Variants in SLC35A2 observed in about 807,000 individuals in gnomAD.
The protein encoded by SLC35A2 is UDP-galactose translocator.
A neutral mutation model predicts 17.3 loss-of-function variants in SLC35A2; 1 was observed. That is an observed-to-expected ratio of 0.06 (90% CI 0.02 to 0.27). SLC35A2 has a LOEUF of 0.27. Ranked by LOEUF, SLC35A2 falls within the 10% of genes least tolerant of loss-of-function variation. The pLI is 1.00. For missense variants in SLC35A2, 191 were observed against 339.3 expected (o/e 0.56, Z 3.43); for synonymous variants, 161 against 161.3 (o/e 1.00, Z 0.01).
chrX:48,910,763 C>T (rs1021584170), intron 1 of SLC35A2, among the ~76,000 whole-genome samples: 6 of 110,705 alleles, frequency 5.4e-5, no homozygotes, highest in Admixed American at 3.8e-4. Context: ...GAAATGATTC[C>T]CACATGCTCC....
At chrX:48,908,789 T>G (rs1419847353) in intron 2 of SLC35A2, among the ~76,000 whole-genome samples, 5 of 112,156 alleles carry the variant, frequency 4.5e-5, no homozygotes, top group Non-Finnish European at 7.5e-5. Context: ...AACCTGGAGT[T>G]AACAGGTGGG....
chrX:48,910,899 C>T (rs12849756), intron 1 of SLC35A2, among the ~76,000 whole-genome samples: 1 of 110,451 alleles, frequency 9.1e-6, no homozygotes, highest in African/African-American at 3.3e-5. Flanking sequence ...CACGGACCCT[C>T]TAGCTAATGA....
intron 4 of SLC35A2, chrX:48,904,163 CAAG>C: frequency 1.3e-6 from 1 of 781,926 alleles, no homozygotes; most frequent in Non-Finnish European, 1.5e-6. Context: ...TGGGGACTCA[CAAG>C]AAGCCCATCT....
In SLC35A2 at chrX:48,906,215, T is replaced by TTAC. The variant is rs781893728; in HGVS notation, c.426+174_426+176dup. 1.0e-3 allele frequency: 498 copies of TTAC among 482,879 alleles called. 5 individuals carry two copies. The East Asian group carries it at 0.017, about 17-fold the overall frequency. The allele number at this position is 482,879 out of a possible 1,213,427, so 39.8% of individuals were successfully genotyped here. ...ATCCTAGCATCTCAGTGAACAGGCA[T>TTAC]TACTATTTCCACCCCCAATTTTCAC... On this transcript the variant is annotated intron_variant, in intron 3 of 4. Coordinates refer to ENST00000247138, the MANE Select transcript of SLC35A2 (RefSeq NM_005660.3).
At chrX:48,911,732 G>C (rs1662486726), upstream of SLC35A2, 3 of 1,155,785 alleles carry the variant, frequency 2.6e-6, no homozygotes, top group African/African-American at 1.8e-5. Context: ...GGTGGAGCGA[G>C]AGCCGGGATC....
At chrX:48,910,480 T>C (rs782546183) in intron 1 of SLC35A2, among the ~76,000 whole-genome samples, 1 of 112,005 alleles carries the variant, frequency 8.9e-6, no homozygotes, top group East Asian at 2.8e-4. Flanking sequence ...ATTAGCAAAC[T>C]GAGAATTTAT....
intron 1 of SLC35A2, chrX:48,910,232 A>G: frequency 8.8e-7 from 1 of 1,138,350 alleles, no homozygotes; most frequent in Non-Finnish European, 1.2e-6. Flanking sequence ...CCCAGTCCAT[A>G]CCTGGAATCC....
intron 1 of SLC35A2, among the ~76,000 whole-genome samples, chrX:48,910,912 T>G (rs1485683384): frequency 2.7e-5 from 3 of 109,561 alleles, no homozygotes; most frequent in Non-Finnish European, 5.7e-5. Context: ...GCTAATGAAT[T>G]TTTCCTTGCT....
intron 3 of SLC35A2, chrX:48,905,834 G>T: frequency 3.5e-6 from 1 of 285,416 alleles, no homozygotes; most frequent in Non-Finnish European, 6.2e-6. Context: ...TGAGGGACTT[G>T]ATACAAATGA....
At chrX:48,910,421 C>G (rs1265352793) in intron 1 of SLC35A2, 1 of 499,451 alleles carries the variant, frequency 2.0e-6, no homozygotes, top group Non-Finnish European at 3.1e-6. Context: ...CCTCAATAGA[C>G]TCATATCACT....
chrX:48,910,102 C>A, intron 1 of SLC35A2, 106 bp from the exon 2 acceptor site: 1 of 897,502 alleles, frequency 1.1e-6, no homozygotes, highest in South Asian at 2.2e-5. Context: ...ACCCTCCTAG[C>A]CATGGCTACT....
At chrX:48,910,166 T>A in intron 1 of SLC35A2, 170 bp from the exon 2 acceptor site, 1 of 934,137 alleles carries the variant, frequency 1.1e-6, no homozygotes, top group Admixed American at 2.6e-5. Context: ...CCTACCGGCT[T>A]ACTGCCTCAG....
chrX:48,911,655 C>A, upstream of SLC35A2: 1 of 1,156,687 alleles, frequency 8.6e-7, no homozygotes, highest in Non-Finnish European at 1.2e-6. Context: ...CTGCCCGGCC[C>A]GTCCCCTCGG....
intron 4 of SLC35A2, 181 bp from the exon 5 acceptor site, chrX:48,903,646 T>A: frequency 2.8e-6 from 2 of 711,684 alleles, no homozygotes; most frequent in South Asian, 5.9e-5. Context: ...TGGCATTGGA[T>A]ATCCTGACAT....
At position 48,904,658 on chromosome X, in the gene SLC35A2, G is replaced by A. The variant is rs781913086; in HGVS notation, c.1163+88C>T. The A allele has an allele frequency of 9.1e-6, 11 of 1,207,750 alleles. No homozygotes were observed. In the South Asian group the frequency reaches 1.6e-4, roughly 18 times the overall value. ...CCAGGCCCCGGAGGGTGGCGACTTG[G>A]GTCCTGCAGATGCCCAACACCCTCC... On this transcript the variant is annotated intron_variant, in intron 4 of 4. Coordinates refer to ENST00000247138, the MANE Select transcript of SLC35A2 (RefSeq NM_005660.3).
chrX:48,904,926 G>A lies in SLC35A2; in HGVS notation c.983C>T (p.Ala328Val). The change falls in exon 4 of 5, where the codon GCT (alanine) becomes GTT (valine). Residue 328 changes from alanine (A) to valine (V), a missense_variant. Physicochemically the swap from Ala to Val is moderately conservative, Grantham distance 64. Coordinates refer to ENST00000247138, the MANE Select transcript of SLC35A2 (RefSeq NM_005660.3). ...FHVDPLFALGAGLVIGAVYLY... is the reference protein window; with the variant it reads ...FHVDPLFALGVGLVIGAVYLY... ...GTAGACAGCACCAATGACGAGTCCAGCGCCAAGGGCAAATAATGGGTCCAC... is the reference window on the plus strand; with the variant it reads ...GTAGACAGCACCAATGACGAGTCCAACGCCAAGGGCAAATAATGGGTCCAC... 8.3e-7 allele frequency: 1 copy of A among 1,210,763 alleles called. No homozygotes were observed.
intron 4 of SLC35A2, 49 bp downstream of exon 4, chrX:48,904,697 T>C (rs1557042574): frequency 8.3e-7 from 1 of 1,205,621 alleles, no homozygotes; most frequent in Non-Finnish European, 1.1e-6. Context: ...CCAGTCCCCC[T>C]CCCTTGTGTC....
At chrX:48,907,895 G>A (rs944494996) in intron 2 of SLC35A2, among the ~76,000 whole-genome samples, 46 of 109,135 alleles carry the variant, frequency 4.2e-4, no homozygotes, top group African/African-American at 1.5e-3. Context: ...GGTGGCAGGC[G>A]CCTATAATCC....
At position 48,905,018 on chromosome X, in the gene SLC35A2, C is replaced by T; in HGVS notation, c.891G>A (p.Lys297=). 8.3e-7 allele frequency: 1 copy of T among 1,211,192 alleles called. No individual in the cohort carries two copies. The change falls in exon 4 of 5, where the codon AAG becomes AAA. Residue 297 remains lysine, a synonymous_variant. Coordinates refer to ENST00000247138, the MANE Select transcript of SLC35A2 (RefSeq NM_005660.3). ...VVVKYADNIL[K]GFATSLSIVL... is the part of the protein sequence containing the mutation. ...CAATGGACAGGGAGGTGGCAAAGCC[C>T]TTGAGGATATTGTCAGCGTACTTGA... is the stretch of plus-strand genomic sequence containing the variant.
Sources: gnomAD v4.1 joint callset for allele counts (sites outside exome capture counted in the v4.1 genomes callset) on GRCh38, gnomAD v4.1.1 for gene constraint, MANE v1.5 for transcripts, NCBI Gene and HGNC (gene_info 2026-07-23, HGNC 2026-07-21) for gene names.